The following DMXL1 variants were observed in gnomAD, a reference collection of about 807,000 sequenced individuals.
DMXL1 encodes the protein Dmx like 1.
Under a neutral mutation model 319.2 loss-of-function variants are expected in DMXL1, and 99 were observed. The observed-to-expected ratio is 0.31, with a 90% CI of 0.26 to 0.37. DMXL1 has a LOEUF of 0.37. Ranked by LOEUF, DMXL1 falls within the 10% of genes least tolerant of loss-of-function variation. The probability of loss-of-function intolerance (pLI) is 1.00; values close to 1 mark genes in which losing one functional copy is unlikely to be tolerated. For synonymous variants in DMXL1, 1,385 were observed against 1,235.2 expected (o/e 1.12, Z -2.54); for missense variants, 3,745 against 3,595.6 (o/e 1.04, Z -1.06).
chr5:119,190,788 T>G (rs1396185578), intron 29 of DMXL1, among the ~76,000 whole-genome samples: 1 of 152,184 alleles, frequency 6.6e-6, no homozygotes, highest in Non-Finnish European at 1.5e-5. Context: ...GATAAAATGA[T>G]GAAGATGTTC....
intron 32 of DMXL1, among the ~76,000 whole-genome samples, chr5:119,202,882 T>TATATATA (rs879489303): frequency 7.9e-4 from 88 of 110,920 alleles, no homozygotes; most frequent in Non-Finnish European, 1.4e-3. Context: ...TATATATATA[T>TATATATA]TTTTATATAT....
Position 119,149,390 on chromosome 5 carries a change from G to C in DMXL1, c.3563G>C (p.Ser1188Thr), listed in dbSNP as rs1207935278. 4 of 1,613,896 alleles carry C rather than the reference G, an allele frequency of 2.5e-6. No individual in the cohort carries two copies. The highest frequency in any genetic ancestry group is 3.4e-6 in the Non-Finnish European group (4 of 1,179,862). Residue 1188 changes from serine to threonine, a missense_variant, in exon 18 of 44, where the codon AGT becomes ACT. Physicochemically the swap from Ser to Thr is moderately conservative, Grantham distance 58 (BLOSUM62 1). Transcript: ENST00000539542. Reference protein sequence around the residue: ...KETLAFPLWESTKVVPLSKFV... With the variant: ...KETLAFPLWETTKVVPLSKFV... ...ACCCTGGCATTTCCTCTCTGGGAGA[G>C]TACCAAAGTTGTGCCCCTTTCTAAA...
intron 13 of DMXL1, among the ~76,000 whole-genome samples, chr5:119,135,823 T>C (rs1320430353): frequency 6.6e-6 from 1 of 152,324 alleles, no homozygotes; most frequent in South Asian, 2.1e-4. Flanking sequence ...ATTAAACTTA[T>C]TTATAAATTA....
intron 1 of DMXL1, 39 bp from the exon 2 acceptor site, chr5:119,097,940 C>G: frequency 6.6e-7 from 1 of 1,520,782 alleles, no homozygotes; most frequent in South Asian, 1.2e-5. Context: ...TAAATGTTTC[C>G]TTGACACTTT....
intron 28 of DMXL1, among the ~76,000 whole-genome samples, chr5:119,180,433 C>T (rs906936734): frequency 6.6e-6 from 1 of 152,036 alleles, no homozygotes; most frequent in African/African-American, 2.4e-5. Flanking sequence ...ATTACTCATC[C>T]ACCTACCACA....
At chr5:119,111,664 A>T (rs73242926) in intron 5 of DMXL1, among the ~76,000 whole-genome samples, 3,372 of 152,318 alleles carry the variant, frequency 0.022, 121 homozygotes, top group African/African-American at 0.077. Flanking sequence ...CAAATTGTCC[A>T]TAAGGGAAGA....
chr5:119,094,189 A>AGG (rs1755420200), intron 1 of DMXL1, among the ~76,000 whole-genome samples: 1 of 152,228 alleles, frequency 6.6e-6, no homozygotes, highest in Non-Finnish European at 1.5e-5. Context: ...ATAACTAGAG[A>AGG]GGAGAGGTCA....
chr5:119,105,150 A>G, intron 3 of DMXL1, 30 bp from the exon 4 acceptor site: 1 of 1,425,278 alleles, frequency 7.0e-7, no homozygotes, highest in Non-Finnish European at 9.9e-7. Context: ...TGCCAATCAT[A>G]ATGGGCTAAA....
intron 9 of DMXL1, chr5:119,127,757 C>A (rs1419365990): frequency 4.0e-6 from 1 of 252,026 alleles, no homozygotes; most frequent in African/African-American, 2.3e-5. Flanking sequence ...ATCTTTTTAA[C>A]AAGTTTATTT....
chr5:119,204,139 A>T (rs979457105), intron 33 of DMXL1, among the ~76,000 whole-genome samples: 5 of 151,040 alleles, frequency 3.3e-5, no homozygotes, highest in African/African-American at 1.2e-4. Flanking sequence ...TTTTTATTGT[A>T]TTTATTTATC....
At chr5:119,230,631 C>T (rs1302059930) in intron 38 of DMXL1, among the ~76,000 whole-genome samples, 1 of 152,126 alleles carries the variant, frequency 6.6e-6, no homozygotes, top group Non-Finnish European at 1.5e-5. Context: ...GCCTGTAATC[C>T]CAGCACTTTG....
intron 1 of DMXL1, among the ~76,000 whole-genome samples, chr5:119,095,291 G>T (rs1231606285): frequency 6.6e-6 from 1 of 152,210 alleles, no homozygotes. Context: ...GGGTAATTCA[G>T]AACTAGATAA....
At chr5:119,073,268 C>G (rs780342343) in intron 1 of DMXL1, among the ~76,000 whole-genome samples, 1 of 152,268 alleles carries the variant, frequency 6.6e-6, no homozygotes, top group Non-Finnish European at 1.5e-5. Flanking sequence ...CCTTATGTTG[C>G]CCAGGCTGGT....
intron 34 of DMXL1, among the ~76,000 whole-genome samples, chr5:119,213,548 C>T (rs1783163101): frequency 6.6e-6 from 1 of 152,152 alleles, no homozygotes; most frequent in African/African-American, 2.4e-5. Context: ...TTTCTCTAGT[C>T]TCCTATGTAG....
intron 1 of DMXL1, among the ~76,000 whole-genome samples, chr5:119,093,327 G>C (rs1755211340): frequency 6.6e-6 from 1 of 152,078 alleles, no homozygotes; most frequent in South Asian, 2.1e-4. Context: ...GTAGAGACTG[G>C]ATTTCACCAT....
chr5:119,216,876 T>C (rs765519828), intron 34 of DMXL1, 25 bp from the exon 35 acceptor site: 1 of 1,312,054 alleles, frequency 7.6e-7, no homozygotes, highest in South Asian at 1.2e-5. Flanking sequence ...CAGTGCATTT[T>C]TGTGTTTTGT....
intron 6 of DMXL1, 31 bp from the exon 7 acceptor site, chr5:119,116,127 T>G: frequency 6.4e-7 from 1 of 1,564,848 alleles, no homozygotes; most frequent in Non-Finnish European, 8.6e-7. Flanking sequence ...CTGATCTCCA[T>G]GATTTTCTGT....
chr5:119,076,032 G>A lies in DMXL1; in HGVS notation c.87+4376G>A, dbSNP rs556350303. 7.2e-4 allele frequency among the ~76,000 whole-genome samples: 110 copies of A among 151,984 alleles called. 2 individuals are homozygous for A. Among genetic ancestry groups the A allele is most frequent in the African/African-American group, 2.5e-3 (104 of 41,466 alleles). On this transcript the variant is annotated intron_variant, in intron 1 of 43. Coordinates refer to ENST00000539542, the MANE Select transcript of DMXL1 (RefSeq NM_001290321.3). ...TTGTGGTTTATCTATACTTAGGGTT[G>A]AAACTGTGATTTGAATGATATGGAA... is the stretch of plus-strand genomic sequence containing the variant.
chr5:119,226,698 A>G (rs1264478858), intron 38 of DMXL1, among the ~76,000 whole-genome samples: 1 of 152,036 alleles, frequency 6.6e-6, no homozygotes, highest in Non-Finnish European at 1.5e-5. Context: ...TTCAGACACC[A>G]CTCGCAGGTT....
Sources: allele counts gnomAD v4.1 joint callset (sites outside exome capture counted in the v4.1 genomes callset), GRCh38; gene constraint gnomAD v4.1.1; transcripts MANE v1.5; gene names NCBI Gene and HGNC (gene_info 2026-07-23, HGNC 2026-07-21).